KCNK10: variants seen among roughly 807,000 people sequenced by gnomAD.
KCNK10 encodes potassium two pore domain channel subfamily K member 10, also known as potassium channel subfamily K member 10.
A neutral mutation model predicts 47.7 loss-of-function variants in KCNK10; 25 were observed. That is an observed-to-expected ratio of 0.52 (90% CI 0.38 to 0.73). The LOEUF is 0.73. Among genes scored for constraint, KCNK10 ranks in the 30% least tolerant of loss-of-function variants. The pLI, the probability that KCNK10 is intolerant of heterozygous loss-of-function variation, is 0.00. For missense variants in KCNK10, 563 were observed against 714.5 expected (o/e 0.79, Z 2.42); for synonymous variants, 303 against 285.6 (o/e 1.06, Z -0.61).
chr14:88,302,809 G>A (rs747737211), intron 1 of KCNK10, among the ~76,000 whole-genome samples: 22 of 152,154 alleles, frequency 1.4e-4, no homozygotes, highest in Admixed American at 1.4e-3. Context: ...GGGGTGGCTG[G>A]CTGTCAAAAT....
intron 2 of KCNK10, among the ~76,000 whole-genome samples, chr14:88,258,174 T>C (rs985986996): frequency 6.6e-6 from 1 of 152,184 alleles, no homozygotes; most frequent in Admixed American, 6.5e-5. Context: ...ATTTACCGTG[T>C]GCCAAGCACA....
intron 1 of KCNK10, among the ~76,000 whole-genome samples, chr14:88,300,047 C>T (rs1888062630): frequency 6.6e-6 from 1 of 152,150 alleles, no homozygotes; most frequent in Non-Finnish European, 1.5e-5. Flanking sequence ...CCCCAAATAG[C>T]TCCCGGCCAG....
intron 1 of KCNK10, among the ~76,000 whole-genome samples, chr14:88,293,013 A>G (rs571173844): frequency 6.6e-6 from 1 of 152,162 alleles, no homozygotes; most frequent in East Asian, 1.9e-4. Context: ...TACAATTTTT[A>G]TTTCTATTTT....
At chr14:88,282,520 A>G (rs1217128149) in intron 1 of KCNK10, among the ~76,000 whole-genome samples, 2 of 152,194 alleles carry the variant, frequency 1.3e-5, no homozygotes, top group African/African-American at 2.4e-5. Flanking sequence ...GCCATGCCAT[A>G]CCTCAAGGCC....
intron 4 of KCNK10, among the ~76,000 whole-genome samples, chr14:88,218,030 CT>C (rs977661360): frequency 4.7e-5 from 7 of 148,314 alleles, no homozygotes; most frequent in East Asian, 3.9e-4. Flanking sequence ...GCTCGATTTT[CT>C]TTTTTTTTTC....
At position 88,322,906 on chromosome 14, in the gene KCNK10, T is replaced by C. The variant is rs1034371695; in HGVS notation, c.-108A>G. The C allele has an allele frequency of 8.9e-6, 14 of 1,578,580 alleles. No homozygotes were observed. Among genetic ancestry groups the C allele is most frequent in the African/African-American group, 1.3e-5 (1 of 74,272 alleles). On this transcript the variant is annotated 5_prime_UTR_variant, in exon 1 of 7. Coordinates refer to ENST00000319231, the MANE Select transcript of KCNK10 (RefSeq NM_138317.3). This position sits in a 1 kb window ranked among gnomAD's most constrained non-coding sequence, Gnocchi z 4.8. ...AGTCCAACAAAACAATTTCCGAGGA[T>C]GGGGGAGCCTTGGACTGGCTCGTGG... is the stretch of plus-strand genomic sequence containing the variant.
At chr14:88,256,245 T>C (rs112873757) in intron 2 of KCNK10, among the ~76,000 whole-genome samples, 2,419 of 152,272 alleles carry the variant, frequency 0.016, 60 homozygotes, top group African/African-American at 0.055. Flanking sequence ...AAGATCCACA[T>C]ACCTCATTAG....
chr14:88,233,119 C>T (rs867263690), intron 3 of KCNK10, among the ~76,000 whole-genome samples: 3 of 152,170 alleles, frequency 2.0e-5, no homozygotes, highest in South Asian at 2.1e-4. Flanking sequence ...GAAAGCTCAA[C>T]GCACACTCGC....
At chr14:88,310,440 T>A (rs1888304892) in intron 1 of KCNK10, among the ~76,000 whole-genome samples, 1 of 152,044 alleles carries the variant, frequency 6.6e-6, no homozygotes, top group African/African-American at 2.4e-5. Context: ...AGCCAATGAA[T>A]AAAGTAACTG....
intron 4 of KCNK10, among the ~76,000 whole-genome samples, chr14:88,216,489 C>T (rs1885624744): frequency 1.3e-5 from 2 of 152,312 alleles, no homozygotes; most frequent in Non-Finnish European, 1.5e-5. Context: ...TGCTACACAT[C>T]TCACAATTCA....
chr14:88,208,241 A>T (rs1233989991), intron 4 of KCNK10, among the ~76,000 whole-genome samples: 1 of 152,208 alleles, frequency 6.6e-6, no homozygotes, highest in African/African-American at 2.4e-5. Context: ...ATCATTTTTT[A>T]AAAATAGAAA....
intron 1 of KCNK10, among the ~76,000 whole-genome samples, chr14:88,320,011 C>A (rs185837755): frequency 6.6e-6 from 1 of 152,300 alleles, no homozygotes; most frequent in East Asian, 1.9e-4. Context: ...CCACCTCACT[C>A]CTCACTCTCT....
chr14:88,266,176 G>C (rs1276918675), intron 1 of KCNK10, among the ~76,000 whole-genome samples: 2 of 152,176 alleles, frequency 1.3e-5, no homozygotes, highest in Non-Finnish European at 2.9e-5. Flanking sequence ...AATGATGGTG[G>C]AATAAGTGAA....
chr14:88,289,676 A>G (rs936052215), intron 1 of KCNK10, among the ~76,000 whole-genome samples: 2 of 152,242 alleles, frequency 1.3e-5, no homozygotes, highest in Non-Finnish European at 2.9e-5. Flanking sequence ...TGAATTGTTC[A>G]AGCTTAGAAT....
chr14:88,180,733 G>A lies in KCNK10; in HGVS notation c.*4802C>T, dbSNP rs1252165843. ...CTGCACTGATGTCAACTGACTTAGG[G>A]CAGGCATGAGAGAACTGAGGTTTAC... On this transcript the variant is annotated 3_prime_UTR_variant, in exon 7 of 7. Transcript: ENST00000319231. The A allele has an allele frequency of 1.8e-5, 7 of 398,508 alleles. No individual in the cohort carries two copies. Among genetic ancestry groups the A allele is most frequent in the African/African-American group, 2.1e-5 (1 of 48,596 alleles). The allele number at this position is 398,508 out of a possible 1,614,324, so 24.7% of individuals were successfully genotyped here.
chr14:88,246,132 G>A (rs61976994), intron 2 of KCNK10, among the ~76,000 whole-genome samples: 29,544 of 151,870 alleles, frequency 0.19, 3,803 homozygotes, highest in Non-Finnish European at 0.28. Context: ...GGATGGTGGC[G>A]GGCGCCTGTA....
At chr14:88,239,599 C>T (rs529146671) in intron 3 of KCNK10, among the ~76,000 whole-genome samples, 13 of 152,218 alleles carry the variant, frequency 8.5e-5, no homozygotes, top group African/African-American at 1.4e-4. Context: ...TGGCTCACGC[C>T]GGTAATCCCA....
At chr14:88,292,150 C>A (rs2139781843) in intron 1 of KCNK10, among the ~76,000 whole-genome samples, 1 of 152,232 alleles carries the variant, frequency 6.6e-6, no homozygotes, top group African/African-American at 2.4e-5. Context: ...AGTAAAACAC[C>A]CTTGCTTTCT....
At chr14:88,292,612 GAGT>G (rs1934603982) in intron 1 of KCNK10, among the ~76,000 whole-genome samples, 1 of 151,124 alleles carries the variant, frequency 6.6e-6, no homozygotes, top group African/African-American at 2.4e-5. Flanking sequence ...CGGCCTCCCA[GAGT>G]GCTGGGATTA....
Sources: gnomAD v4.1 joint callset for allele counts (sites outside exome capture counted in the v4.1 genomes callset) on GRCh38, gnomAD v4.1.1 for gene constraint, Gnocchi (gnomAD v3.1) non-coding constraint, MANE v1.5 for transcripts, NCBI Gene and HGNC (gene_info 2026-07-23, HGNC 2026-07-21) for gene names.